Variants in NEK7 observed in about 807,000 individuals in gnomAD.
The protein encoded by NEK7 is NIMA related kinase 7.
In NEK7, 18 loss-of-function variants were observed where a neutral mutation model predicts 44.6. The ratio of observed to expected loss-of-function variants is 0.40; its 90% CI spans 0.28 to 0.60. The LOEUF (loss-of-function observed/expected upper bound fraction) is 0.60, where lower values mean the gene tolerates loss of function less well. NEK7 is among the 20% of genes least tolerant of loss of function. The pLI is 0.38. For synonymous variants in NEK7, 130 were observed against 121.1 expected, an observed-to-expected ratio of 1.07 and a Z score of -0.48; for missense variants, 256 against 366.5, an observed-to-expected ratio of 0.70 and a Z score of 2.46.
intron 9 of NEK7, among the ~76,000 whole-genome samples, chr1:198,316,729 C>T (rs2103046418): frequency 6.6e-6 from 1 of 152,286 alleles, no homozygotes; most frequent in East Asian, 1.9e-4. Flanking sequence ...TCCTTACTAC[C>T]TAACAAAGTG....
rs77512816 is a variant in NEK7, at chr1:198,263,220, T to C, written c.261+583T>C. Among the ~76,000 whole-genome samples, 787 of 152,064 alleles carry C rather than the reference T, an allele frequency of 5.2e-3. 10 individuals are homozygous for C. Among genetic ancestry groups the C allele is most frequent in the African/African-American group, 0.018 (755 of 41,558 alleles). ...CTATGTTGTATTTTTAACTTTTAGT[T>C]AAGACTTCGCTCTTTTTTTATGCCA... On this transcript the variant is annotated intron_variant, in intron 4 of 9. Coordinates refer to ENST00000367385, the MANE Select transcript of NEK7 (RefSeq NM_133494.3).
rs149211683 is a variant in NEK7 at position 198,239,640 on chromosome 1, A to G, written c.57+7003A>G. Among the ~76,000 whole-genome samples the G allele has an allele frequency of 4.7e-3, 721 of 152,180 alleles. 9 individuals are homozygous for G. Among genetic ancestry groups the G allele is most frequent in the African/African-American group, 0.017 (699 of 41,514 alleles). On this transcript the variant is annotated intron_variant, in intron 2 of 9. Coordinates refer to ENST00000367385, the MANE Select transcript of NEK7 (RefSeq NM_133494.3). ...TTGTGAGTATTGTTTACTTTTGTAT[A>G]TCATATTTTATATCAGTGAATACTA...
intron 1 of NEK7, among the ~76,000 whole-genome samples, chr1:198,185,709 C>A (rs1364568980): frequency 6.6e-6 from 1 of 152,088 alleles, no homozygotes; most frequent in Non-Finnish European, 1.5e-5. Context: ...CCTCTCTGCC[C>A]CATTTTCTCT....
chr1:198,160,051 A>G (rs1162429953), intron 1 of NEK7, among the ~76,000 whole-genome samples: 1 of 152,002 alleles, frequency 6.6e-6, no homozygotes, highest in African/African-American at 2.4e-5. Context: ...ACTGAAATAT[A>G]GACTTCTTTT....
At chr1:198,253,497 G>A (rs1341374856) in intron 3 of NEK7, among the ~76,000 whole-genome samples, 1 of 152,072 alleles carries the variant, frequency 6.6e-6, no homozygotes, top group Admixed American at 6.6e-5. Context: ...AATACTCACT[G>A]AAGTTCTACA....
rs1427471494 is a variant in NEK7 at position 198,227,303 on chromosome 1, A to G, written c.-28-5250A>G. 3.3e-5 allele frequency among the ~76,000 whole-genome samples: 5 copies of G among 152,256 alleles called. No homozygotes were observed. In the East Asian group the frequency reaches 7.7e-4, roughly 24 times the overall value. ...TTTGGGTTGGTTCCAAGTCTTTGCT[A>G]TTGTGAATAGTGCTGCTATAAACAT... On this transcript the variant is annotated intron_variant, in intron 1 of 9. Coordinates refer to ENST00000367385, the MANE Select transcript of NEK7 (RefSeq NM_133494.3).
At chr1:198,165,414 C>G (rs541961845) in intron 1 of NEK7, among the ~76,000 whole-genome samples, 1 of 152,152 alleles carries the variant, frequency 6.6e-6, no homozygotes, top group African/African-American at 2.4e-5. Flanking sequence ...GTGGATTATT[C>G]CTTGATCCGT....
intron 1 of NEK7, among the ~76,000 whole-genome samples, chr1:198,205,992 G>C (rs1665586875): frequency 6.6e-6 from 1 of 152,052 alleles, no homozygotes; most frequent in East Asian, 1.9e-4. Context: ...GATTTAGTAA[G>C]GATGATATAT....
At chr1:198,197,957 A>G (rs1177258908) in intron 1 of NEK7, 23 of 1,534,706 alleles carry the variant, frequency 1.5e-5, no homozygotes, top group Non-Finnish European at 2.0e-5. Context: ...GGTGGTGGGT[A>G]TGGAGGAGGG....
intron 2 of NEK7, among the ~76,000 whole-genome samples, chr1:198,235,850 AAG>A (rs1666531833): frequency 6.6e-6 from 1 of 152,110 alleles, no homozygotes. Flanking sequence ...CTACTTATGA[AAG>A]AGAAAAGACA....
intron 1 of NEK7, among the ~76,000 whole-genome samples, chr1:198,205,657 C>T (rs1158603770): frequency 1.3e-5 from 2 of 151,714 alleles, no homozygotes; most frequent in Non-Finnish European, 2.9e-5. Context: ...ACATACACTG[C>T]ACTCACATTT....
Position 198,249,443 on chromosome 1 carries a change from C to G in NEK7, c.58-3597C>G, listed in dbSNP as rs553542251. Among the ~76,000 whole-genome samples, 4 of 151,790 alleles carry G rather than the reference C, an allele frequency of 2.6e-5. No individual in the cohort carries two copies. In the South Asian group the frequency reaches 8.3e-4, roughly 32 times the overall value. ...GCTGGGTCAAATGGTATTTCTAGTT[C>G]TAGATCCCTGAGGAATCGCCACACT... On this transcript the variant is annotated intron_variant, in intron 2 of 9. Transcript: ENST00000367385.
At chr1:198,182,148 A>G (rs539297288) in intron 1 of NEK7, among the ~76,000 whole-genome samples, 4 of 152,274 alleles carry the variant, frequency 2.6e-5, no homozygotes, top group South Asian at 2.1e-4. Context: ...TCTTCTCAAT[A>G]GTTGGCTGTA....
rs551362984 is a variant in NEK7 at position 198,321,317 on chromosome 1, T to A, written c.*1795T>A. ...TTGTTTTTCCTGAGGGCTAGATGCA[T>A]TTTTTTTCTCACACTCTTAATGACT... On this transcript the variant is annotated 3_prime_UTR_variant, in exon 10 of 10. Transcript: ENST00000367385. 7 of 152,134 alleles carry A rather than the reference T, an allele frequency of 4.6e-5. No individual in the cohort carries two copies. The South Asian group carries it at 8.3e-4, about 18-fold the overall frequency. The allele number at this position is 152,134 out of a possible 1,614,324, so 9.4% of individuals were successfully genotyped here.
At chr1:198,218,290 G>A (rs943035268) in intron 1 of NEK7, among the ~76,000 whole-genome samples, 1 of 151,824 alleles carries the variant, frequency 6.6e-6, no homozygotes, top group African/African-American at 2.4e-5. Context: ...ACTGATCTTC[G>A]ACAAAGAATA....
chr1:198,227,111 A>G (rs528209230), intron 1 of NEK7, among the ~76,000 whole-genome samples: 31 of 152,116 alleles, frequency 2.0e-4, no homozygotes, highest in African/African-American at 6.5e-4. Flanking sequence ...GAGTGAGAAC[A>G]TGCAGTGTTT....
intron 2 of NEK7, among the ~76,000 whole-genome samples, chr1:198,241,278 CTAAA>C (rs956776666): frequency 1.6e-4 from 25 of 152,020 alleles, no homozygotes; most frequent in African/African-American, 5.6e-4. Flanking sequence ...AGCTTTCTCA[CTAAA>C]TATTCATAAA....
rs530480622 is a variant in NEK7, at chr1:198,192,052, T to G, written c.-29+34776T>G. Among the ~76,000 whole-genome samples, 6 of 152,214 alleles carry G rather than the reference T, an allele frequency of 3.9e-5. No homozygotes were observed. In the East Asian group the frequency reaches 1.2e-3, roughly 29 times the overall value. On this transcript the variant is annotated intron_variant, in intron 1 of 9. Coordinates refer to ENST00000367385, the MANE Select transcript of NEK7 (RefSeq NM_133494.3). Reference sequence around the variant, plus strand: ...TACCTTGGTAAGGGTTTTCAAAAATTTCTTGGCTATTTCTGGCCTCCTTTT... The same window carrying G: ...TACCTTGGTAAGGGTTTTCAAAAATGTCTTGGCTATTTCTGGCCTCCTTTT...
chr1:198,219,723 T>A (rs967690996), intron 1 of NEK7, among the ~76,000 whole-genome samples: 53 of 152,162 alleles, frequency 3.5e-4, no homozygotes, highest in African/African-American at 1.2e-3. Context: ...TCGATTAAAA[T>A]AAGTTGAAGC....
Sources: allele counts gnomAD v4.1 joint callset (sites outside exome capture counted in the v4.1 genomes callset), GRCh38; gene constraint gnomAD v4.1.1; transcripts MANE v1.5; gene names NCBI Gene and HGNC (gene_info 2026-07-23, HGNC 2026-07-21).